ZNF266: variants seen among roughly 807,000 people sequenced by gnomAD.
The protein encoded by ZNF266 is zinc finger protein 1.
Under a neutral mutation model 16.4 loss-of-function variants are expected in ZNF266, and 16 were observed. That is an observed-to-expected ratio of 0.98 (90% CI 0.66 to 1.48). The LOEUF is 1.48. ZNF266 is among the 40% of genes most tolerant of loss of function. The probability of loss-of-function intolerance (pLI) is 0.00; values close to 1 mark genes in which losing one functional copy is unlikely to be tolerated. For missense variants in ZNF266, 738 were observed against 689.1 expected (o/e 1.07, Z -0.79); for synonymous variants, 262 against 237.9 (o/e 1.10, Z -0.93).
intron 5 of ZNF266, among the ~76,000 whole-genome samples, chr19:9,422,083 C>T (rs113056276): frequency 5.9e-5 from 9 of 152,310 alleles, no homozygotes; most frequent in African/African-American, 2.2e-4. Flanking sequence ...GATCTCCTGA[C>T]TTTGTGATCT....
chr19:9,427,147 G>C (rs2070871026), intron 5 of ZNF266, among the ~76,000 whole-genome samples: 1 of 152,032 alleles, frequency 6.6e-6, no homozygotes, highest in Admixed American at 6.6e-5. Flanking sequence ...AATTGTGCCT[G>C]CTCTTGAATC....
At chr19:9,428,716 G>GA (rs59102600) in intron 5 of ZNF266, among the ~76,000 whole-genome samples, 75,423 of 132,736 alleles carry the variant, frequency 0.57, 20,606 homozygotes, top group Middle Eastern at 0.62. Context: ...TCCAGGGTGG[G>GA]AAAAAAAAAA....
chr19:9,414,478 C>T lies in ZNF266; in HGVS notation c.648G>A (p.Thr216=), dbSNP rs199866907. ...AATCAAAAGCTTTCTCTCCTGTGCA[C>T]GTTCTCTGGCAAACAACATCTGGGT... The part of the protein sequence containing the change: ...SLNPDVVCQR[T]CTGEKAFDCS... The change falls in exon 11 of 11, where the codon ACG becomes ACA. Residue 216 remains threonine, a synonymous_variant. Transcript: ENST00000592904. 12 of 1,614,180 alleles carry T rather than the reference C, an allele frequency of 7.4e-6. No homozygotes were observed. The highest frequency in any genetic ancestry group is 6.7e-5 in the East Asian group (3 of 44,880).
intron 10 of ZNF266, among the ~76,000 whole-genome samples, chr19:9,415,173 T>C (rs1201666884): frequency 1.3e-5 from 2 of 152,166 alleles, no homozygotes; most frequent in Non-Finnish European, 2.9e-5. Context: ...CACGTGCCTG[T>C]ACTCCCAGCT....
chr19:9,430,853 G>A (rs1190557649), intron 5 of ZNF266, among the ~76,000 whole-genome samples: 1 of 152,178 alleles, frequency 6.6e-6, no homozygotes. Flanking sequence ...CGTAACAAAG[G>A]CACAGTCCCA....
At chr19:9,427,617 A>G (rs2070950685) in intron 5 of ZNF266, among the ~76,000 whole-genome samples, 1 of 152,080 alleles carries the variant, frequency 6.6e-6, no homozygotes, top group Non-Finnish European at 1.5e-5. Flanking sequence ...GTGAGCCACC[A>G]CACCCGGCCT....
At position 9,414,598 on chromosome 19, in the gene ZNF266, A is replaced by G. The variant is rs978215556; in HGVS notation, c.528T>C (p.Tyr176=). Residue 176 remains tyrosine, a synonymous_variant, in exon 11 of 11, where the codon TAT becomes TAC. Transcript: ENST00000592904. ...TQNSENTFEC[Y]LYGVDFLTLH... is the part of the protein sequence containing the mutation. The stretch of plus-strand genomic sequence containing the variant: ...GAGTAAGGAAGTCTACTCCATACAG[A>G]TAACACTCAAATGTGTTCTCACTAT... 2.4e-5 allele frequency: 39 copies of G among 1,613,150 alleles called. No homozygotes were observed. Among genetic ancestry groups the G allele is most frequent in the Admixed American group, 5.0e-5 (3 of 59,998 alleles).
chr19:9,432,908 T>C (rs1382755605), intron 5 of ZNF266, among the ~76,000 whole-genome samples: 1 of 151,934 alleles, frequency 6.6e-6, no homozygotes, highest in African/African-American at 2.4e-5. Context: ...TGTTGTACAG[T>C]TGTATCATTA....
chr19:9,423,476 C>T (rs184418663), intron 5 of ZNF266, among the ~76,000 whole-genome samples: 1 of 152,196 alleles, frequency 6.6e-6, no homozygotes, highest in Non-Finnish European at 1.5e-5. Context: ...GGAAGTGCAA[C>T]AATGGAAGCA....
intron 7 of ZNF266, 182 bp downstream of exon 7, chr19:9,419,035 C>G (rs569234169): frequency 1.3e-5 from 2 of 159,704 alleles, no homozygotes; most frequent in African/African-American, 4.8e-5. Context: ...GGATGACATT[C>G]AAGGCAAACC....
In ZNF266 at chr19:9,422,847, C is replaced by CACAT. The variant is rs577600174; in HGVS notation, c.-129-2633_-129-2630dup. 3.3e-3 allele frequency among the ~76,000 whole-genome samples: 509 copies of CACAT among 152,284 alleles called. 1 individual carries two copies. Among genetic ancestry groups the CACAT allele is most frequent in the Non-Finnish European group, 5.6e-3 (380 of 68,028 alleles). ...TAAGAGTTGACAAGATGCATGCATA[C>CACAT]ACATACACAGATTCATCAAAAGTTG... On this transcript the variant is annotated intron_variant, in intron 5 of 10. Coordinates refer to ENST00000592904, the MANE Select transcript of ZNF266 (RefSeq NM_001370374.1).
Position 9,413,032 on chromosome 19 carries a change from T to G in ZNF266, c.*243A>C. 1.9e-6 allele frequency: 1 copy of G among 522,634 alleles called. No homozygotes were observed. Among genetic ancestry groups the G allele is most frequent in the Non-Finnish European group, 3.3e-6 (1 of 300,546 alleles). 32.4% of individuals were successfully genotyped at this position (522,634 alleles called of 1,614,324 possible). ...TGGGATTCAGAAAGGTATTCCCAGATTCTCTACATTCATACAGTTTCTCTC... is the reference window on the plus strand; with the variant it reads ...TGGGATTCAGAAAGGTATTCCCAGAGTCTCTACATTCATACAGTTTCTCTC... On this transcript the variant is annotated 3_prime_UTR_variant, in exon 11 of 11. Coordinates refer to ENST00000592904, the MANE Select transcript of ZNF266 (RefSeq NM_001370374.1).
At chr19:9,431,344 C>T (rs1392037471) in intron 5 of ZNF266, among the ~76,000 whole-genome samples, 1 of 152,182 alleles carries the variant, frequency 6.6e-6, no homozygotes, top group Non-Finnish European at 1.5e-5. Flanking sequence ...CAAAGGACTC[C>T]CACTAGCAGA....
intron 5 of ZNF266, among the ~76,000 whole-genome samples, chr19:9,429,218 GCTTAA>G (rs1225764064): frequency 6.6e-6 from 1 of 151,944 alleles, no homozygotes; most frequent in African/African-American, 2.4e-5. Flanking sequence ...ATGCTCTAGG[GCTTAA>G]CTTATTTTCA....
chr19:9,426,845 C>T (rs542598863), intron 5 of ZNF266, among the ~76,000 whole-genome samples: 4 of 152,048 alleles, frequency 2.6e-5, no homozygotes, highest in East Asian at 1.9e-4. Flanking sequence ...AAAATAGGTA[C>T]GCCTCGCTTT....
rs755973882 is a variant in ZNF266 at position 9,414,070 on chromosome 19, T to C, written c.1056A>G (p.Gln352=). 4.0e-5 allele frequency: 65 copies of C among 1,613,738 alleles called. No individual in the cohort carries two copies. The Admixed American group carries it at 1.0e-3, about 25-fold the overall frequency. Residue 352 remains glutamine (Q), a synonymous_variant, in exon 11 of 11, where the codon CAA becomes CAG. Coordinates refer to ENST00000592904, the MANE Select transcript of ZNF266 (RefSeq NM_001370374.1). ...RAFTVSSCLS[Q]HMKIHVGEKP... is the part of the protein sequence containing the mutation. The stretch of plus-strand genomic sequence containing the variant: ...TCTCACCCACATGGATTTTCATATG[T>C]TGACTTAAGCAAGAGGAAACAGTGA...
rs373140434 is a variant in ZNF266 at position 9,414,068 on chromosome 19, T to C, written c.1058A>G (p.His353Arg). ...AFTVSSCLSQHMKIHVGEKPY... is the reference protein window; with the variant it reads ...AFTVSSCLSQRMKIHVGEKPY... The stretch of plus-strand genomic sequence containing the variant: ...CTTCTCACCCACATGGATTTTCATA[T>C]GTTGACTTAAGCAAGAGGAAACAGT... The change falls in exon 11 of 11, where the codon CAT becomes CGT. Residue 353 changes from histidine (H) to arginine (R), a missense_variant. By Grantham distance (29) the His-to-Arg change is conservative. Coordinates refer to ENST00000592904, the MANE Select transcript of ZNF266 (RefSeq NM_001370374.1). 5.3e-5 allele frequency: 85 copies of C among 1,614,022 alleles called. No individual in the cohort carries two copies. Among genetic ancestry groups the C allele is most frequent in the Non-Finnish European group, 6.9e-5 (81 of 1,180,024 alleles).
chr19:9,413,706 G>A lies in ZNF266; in HGVS notation c.1420C>T (p.Pro474Ser), dbSNP rs760017788. ...TTCCCACATTTGACACATTCAAAAGGCTTCTCTCCAGTGTGAGTTCTTGTA... is the reference window on the plus strand; with the variant it reads ...TTCCCACATTTGACACATTCAAAAGACTTCTCTCCAGTGTGAGTTCTTGTA... ...EHTRTHTGEK[P>S]FECVKCGKAF... The change falls in exon 11 of 11, where the codon CCT becomes TCT. Residue 474 changes from proline (P) to serine (S), a missense_variant. Transcript: ENST00000592904. 23 of 1,614,030 alleles carry A rather than the reference G, an allele frequency of 1.4e-5. No homozygotes were observed. The highest frequency in any genetic ancestry group is 4.0e-5 in the African/African-American group (3 of 74,928).
rs8968 is a variant in ZNF266, at chr19:9,414,670, A to T, written c.456T>A (p.Asp152Glu). Residue 152 changes from aspartate (D) to glutamate (E), a missense_variant, in exon 11 of 11, where the codon GAT becomes GAA. Transcript: ENST00000592904. ...GEVSDVKQCG[D>E]VSSEHSCLKT... ...TAAGGCATGAGTGTTCACTGGAGAC[A>T]TCTCCACATTGCTTAACATCACTGA... is the stretch of plus-strand genomic sequence containing the variant. 1 of 1,595,930 alleles carries T rather than the reference A, an allele frequency of 6.3e-7. No homozygotes were observed. The highest frequency in any genetic ancestry group is 8.6e-7 in the Non-Finnish European group (1 of 1,165,312).
Sources: gnomAD v4.1 joint callset for allele counts (sites outside exome capture counted in the v4.1 genomes callset) on GRCh38, gnomAD v4.1.1 for gene constraint, MANE v1.5 for transcripts, NCBI Gene and HGNC (gene_info 2026-07-23, HGNC 2026-07-21) for gene names.